The following TPTE variants were observed in gnomAD, a reference collection of about 807,000 sequenced individuals.
TPTE encodes transmembrane phosphatase with tensin homology.
A neutral mutation model predicts 84.1 loss-of-function variants in TPTE; 59 were observed. The ratio of observed to expected loss-of-function variants is 0.70; its 90% CI spans 0.57 to 0.87. TPTE has a LOEUF of 0.87. TPTE is among the 40% of genes least tolerant of loss of function. The pLI is 0.00. For synonymous variants in TPTE, 130 were observed against 223.5 expected (o/e 0.58, Z 3.73); for missense variants, 382 against 659.6 (o/e 0.58, Z 4.61).
At chr21:10,539,879 G>C (rs1281586749) in intron 4 of TPTE, among the ~76,000 whole-genome samples, 2 of 152,310 alleles carry the variant, frequency 1.3e-5, no homozygotes, top group Non-Finnish European at 1.5e-5. Context: ...TGTGGTGGCA[G>C]GCACCTGTAG....
chr21:10,604,846 A>C (rs1316221085), intron 23 of TPTE, among the ~76,000 whole-genome samples: 1 of 152,306 alleles, frequency 6.6e-6, no homozygotes, highest in Non-Finnish European at 1.5e-5. Flanking sequence ...GTAACATTTA[A>C]ATTTACATCC....
At chr21:10,562,133 C>A (rs2074818694) in intron 10 of TPTE, among the ~76,000 whole-genome samples, 1 of 152,308 alleles carries the variant, frequency 6.6e-6, no homozygotes, top group African/African-American at 2.4e-5. Flanking sequence ...TGTCCAAGAC[C>A]ATTAAGGCAG....
Position 10,542,433 on chromosome 21 carries a change from C to T in TPTE, c.104C>T (p.Ala35Val). The change falls in exon 6 of 24, where the codon GCA becomes GTA. Residue 35 changes from alanine (A) to valine (V), a missense_variant. Coordinates refer to ENST00000618007, the MANE Select transcript of TPTE (RefSeq NM_199261.4). The part of the protein sequence containing the change: ...TSEFKGATEE[A>V]PAKESPHTSE... ...GAATTTAAAGGAGCAACCGAGGAGG[C>T]ACCTGCGAAAGAAAGGTGAGCAATA... 1 of 1,611,818 alleles carries T rather than the reference C, an allele frequency of 6.2e-7. No homozygotes were observed. Among genetic ancestry groups the T allele is most frequent in the African/African-American group, 1.3e-5 (1 of 75,028 alleles).
chr21:10,592,548 C>A (rs2075501364), intron 19 of TPTE, among the ~76,000 whole-genome samples, 175 bp downstream of exon 19: 1 of 152,308 alleles, frequency 6.6e-6, no homozygotes, highest in Non-Finnish European at 1.5e-5. Context: ...CAGGTGCTGC[C>A]CACATGCTGG....
intron 5 of TPTE, 125 bp from the exon 6 acceptor site, chr21:10,542,270 G>A: frequency 1.7e-6 from 2 of 1,182,522 alleles, no homozygotes; most frequent in Non-Finnish European, 2.5e-6. Flanking sequence ...GGTTCCAGTA[G>A]TACTATACAC....
intron 10 of TPTE, among the ~76,000 whole-genome samples, chr21:10,566,893 C>G (rs2145693498): frequency 6.6e-6 from 1 of 152,190 alleles, no homozygotes; most frequent in Admixed American, 6.5e-5. Context: ...AGGAGAATCG[C>G]TTGAACCCAG....
At chr21:10,547,795 A>G (rs919243638) in intron 7 of TPTE, among the ~76,000 whole-genome samples, 1 of 152,310 alleles carries the variant, frequency 6.6e-6, no homozygotes, top group Non-Finnish European at 1.5e-5. Flanking sequence ...CTGTAACTCA[A>G]GTAATGCAGA....
intron 2 of TPTE, among the ~76,000 whole-genome samples, chr21:10,527,133 C>CCTCTCT (rs59412977): frequency 0.037 from 5,413 of 145,692 alleles, no homozygotes; most frequent in African/African-American, 0.056. Flanking sequence ...TTCTGTGTCC[C>CCTCTCT]CTCTCTCTCT....
At chr21:10,565,893 G>T (rs2074910829) in intron 10 of TPTE, among the ~76,000 whole-genome samples, 1 of 152,306 alleles carries the variant, frequency 6.6e-6, no homozygotes, top group South Asian at 2.1e-4. Flanking sequence ...AGACCTCAAT[G>T]AAACAACTAT....
At chr21:10,533,004 A>G (rs1274681271) in intron 3 of TPTE, among the ~76,000 whole-genome samples, 1 of 152,304 alleles carries the variant, frequency 6.6e-6, no homozygotes, top group African/African-American at 2.4e-5. Flanking sequence ...TCTTTCTTGA[A>G]TTTTGGGAAA....
chr21:10,590,485 G>A lies in TPTE; in HGVS notation c.1051G>A (p.Ala351Thr), dbSNP rs773329925. ...GTDRTGTMVC[A>T]FLIASEICST... ...AGATAGAACAGGAACTATGGTTTGTGCCTTCCTTATTGCCTCTGAAATATG... is the reference window on the plus strand; with the variant it reads ...AGATAGAACAGGAACTATGGTTTGTACCTTCCTTATTGCCTCTGAAATATG... The change falls in exon 18 of 24, where the codon GCC (alanine) becomes ACC (threonine). Residue 351 changes from alanine (A) to threonine (T), a missense_variant. Ala to Thr is a moderately conservative substitution (Grantham distance 58). Coordinates refer to ENST00000618007, the MANE Select transcript of TPTE (RefSeq NM_199261.4). 3 of 1,614,012 alleles carry A rather than the reference G, an allele frequency of 1.9e-6. No individual in the cohort carries two copies. Among genetic ancestry groups the A allele is most frequent in the African/African-American group, 2.7e-5 (2 of 74,958 alleles).
At chr21:10,528,628 C>G (rs2074123355) in intron 3 of TPTE, among the ~76,000 whole-genome samples, 1 of 152,310 alleles carries the variant, frequency 6.6e-6, no homozygotes, top group South Asian at 2.1e-4. Context: ...ATAATTGGTA[C>G]TTTTATAACT....
In TPTE at chr21:10,542,380, C is replaced by T. The variant is rs771268960; in HGVS notation, c.66-15C>T. 5.0e-6 allele frequency: 8 copies of T among 1,610,200 alleles called. No homozygotes were observed. Among genetic ancestry groups the T allele is most frequent in the East Asian group, 2.2e-5 (1 of 44,794 alleles). On this transcript the variant is annotated splice_polypyrimidine_tract_variant and intron_variant, in intron 5 of 23. Transcript: ENST00000618007. ...TATGTCTCCTCTCTGACTGTTTTCTCTTATCATCCACTAGTCCACAGACAA... is the reference window on the plus strand; with the variant it reads ...TATGTCTCCTCTCTGACTGTTTTCTTTTATCATCCACTAGTCCACAGACAA...
intron 17 of TPTE, among the ~76,000 whole-genome samples, chr21:10,584,465 G>A (rs1326430126): frequency 1.3e-5 from 2 of 152,290 alleles, no homozygotes; most frequent in Admixed American, 1.3e-4. Context: ...AGCCTCTTGA[G>A]TAGCTAGCAC....
chr21:10,598,658 A>G (rs1442687473), intron 21 of TPTE, among the ~76,000 whole-genome samples: 58 of 152,308 alleles, frequency 3.8e-4, no homozygotes, highest in African/African-American at 1.4e-3. Flanking sequence ...AGAGTGAATG[A>G]ACGGGGGAGG....
Position 10,590,469 on chromosome 21 carries a change from A to G in TPTE, c.1035A>G (p.Thr345=), listed in dbSNP as rs2075449228. The G allele has an allele frequency of 1.2e-6, 2 of 1,614,108 alleles. No homozygotes were observed. Among genetic ancestry groups the G allele is most frequent in the East Asian group, 4.5e-5 (2 of 44,866 alleles). ...AIHCKGGTDR[T]GTMVCAFLIA... is the part of the protein sequence containing the mutation. ...ACTTCTTTTCTTTTCTAGATAGAAC[A>G]GGAACTATGGTTTGTGCCTTCCTTA... Residue 345 remains threonine (T), a synonymous_variant, in exon 18 of 24, where the codon ACA becomes ACG. Coordinates refer to ENST00000618007, the MANE Select transcript of TPTE (RefSeq NM_199261.4).
At chr21:10,526,451 C>T (rs2145574037) in intron 2 of TPTE, among the ~76,000 whole-genome samples, 1 of 152,428 alleles carries the variant, frequency 6.6e-6, no homozygotes, top group Non-Finnish European at 1.5e-5. Flanking sequence ...AAATGTGTTT[C>T]TCACACATTT....
chr21:10,543,872 GA>G (rs1213069439), intron 7 of TPTE, among the ~76,000 whole-genome samples: 3 of 152,302 alleles, frequency 2.0e-5, no homozygotes, highest in Non-Finnish European at 2.9e-5. Flanking sequence ...GAAGCCCTGG[GA>G]AAAAAAGAAT....
intron 2 of TPTE, among the ~76,000 whole-genome samples, 198 bp from the exon 3 acceptor site, chr21:10,527,157 T>TCTCA (rs1555885306): frequency 2.4e-3 from 364 of 150,324 alleles, no homozygotes; most frequent in African/African-American, 7.9e-3. Flanking sequence ...TCTCTCTCTC[T>TCTCA]CACACACACA....
Sources: gnomAD v4.1 joint callset for allele counts (sites outside exome capture counted in the v4.1 genomes callset) on GRCh38, gnomAD v4.1.1 for gene constraint, MANE v1.5 for transcripts, NCBI Gene and HGNC (gene_info 2026-07-23, HGNC 2026-07-21) for gene names.